The following SGCD variants were observed in gnomAD, a reference collection of about 807,000 sequenced individuals.
SGCD encodes the protein delta-sarcoglycan.
Under a neutral mutation model 36.6 loss-of-function variants are expected in SGCD, and 18 were observed. The observed-to-expected ratio is 0.49, with a 90% CI of 0.34 to 0.73. The LOEUF is 0.73. SGCD is among the 30% of genes least tolerant of loss of function. SGCD has a pLI of 0.01. For missense variants in SGCD, 387 were observed against 346.7 expected (o/e 1.12, Z -0.92); for synonymous variants, 133 against 130.6 (o/e 1.02, Z -0.12).
intron 3 of SGCD, among the ~76,000 whole-genome samples, chr5:156,508,313 T>C (rs1214589546): frequency 1.3e-5 from 2 of 152,136 alleles, no homozygotes; most frequent in African/African-American, 4.8e-5. Context: ...ATTCTTTCTG[T>C]GCTGCCTAGC....
chr5:156,572,429 C>T (rs897451517), intron 4 of SGCD, among the ~76,000 whole-genome samples: 1 of 151,774 alleles, frequency 6.6e-6, no homozygotes, highest in Admixed American at 6.6e-5. Flanking sequence ...TGTTTTTTTT[C>T]TATTATAATT....
At chr5:156,538,167 G>C (rs2061527431) in intron 4 of SGCD, among the ~76,000 whole-genome samples, 1 of 152,054 alleles carries the variant, frequency 6.6e-6, no homozygotes, top group East Asian at 1.9e-4. Context: ...GCTTCCACTG[G>C]AGGTTATGGT....
the SGCD span, among the ~76,000 whole-genome samples, chr5:155,813,733 T>G: frequency 6.6e-6 from 1 of 152,176 alleles, no homozygotes; most frequent in African/African-American, 2.4e-5. Context: ...AGACTTTTCC[T>G]TTGATTATAG....
chr5:156,082,105 T>C (rs1760970363), intron 1 of SGCD, among the ~76,000 whole-genome samples: 1 of 152,154 alleles, frequency 6.6e-6, no homozygotes, highest in Non-Finnish European at 1.5e-5. Flanking sequence ...TTTTTCAATC[T>C]GAGTTTAATT....
the SGCD span, among the ~76,000 whole-genome samples, chr5:155,729,698 C>T: frequency 7.2e-5 from 11 of 152,196 alleles, no homozygotes; most frequent in Middle Eastern, 3.2e-3. Flanking sequence ...GCCTCTGCTG[C>T]TTCTAGGGGT....
chr5:156,667,761 A>C (rs1313094400), intron 7 of SGCD, among the ~76,000 whole-genome samples: 2 of 152,186 alleles, frequency 1.3e-5, no homozygotes, highest in African/African-American at 4.8e-5. Context: ...TTCTGAACAT[A>C]ACCTCAACAA....
chr5:156,492,256 C>G (rs1755977931), intron 3 of SGCD, among the ~76,000 whole-genome samples: 1 of 152,074 alleles, frequency 6.6e-6, no homozygotes, highest in South Asian at 2.1e-4. Flanking sequence ...TTGGAGTTCT[C>G]CAGAGTTACA....
intron 3 of SGCD, among the ~76,000 whole-genome samples, chr5:156,497,963 C>T (rs1756270985): frequency 6.6e-6 from 1 of 152,062 alleles, no homozygotes; most frequent in South Asian, 2.1e-4. Context: ...AGTCTAATTG[C>T]CTTGATCACA....
intron 1 of SGCD, among the ~76,000 whole-genome samples, chr5:155,904,948 G>T (rs780396316): frequency 6.6e-6 from 1 of 152,088 alleles, no homozygotes; most frequent in Admixed American, 6.6e-5. Flanking sequence ...GTGAGTCTCC[G>T]TTTCTTCTTC....
chr5:156,711,442 G>A (rs987980090), intron 7 of SGCD, among the ~76,000 whole-genome samples: 6 of 152,188 alleles, frequency 3.9e-5, no homozygotes, highest in Non-Finnish European at 8.8e-5. Context: ...AAGTGAAGAT[G>A]GGTAAAAACT....
intron 1 of SGCD, among the ~76,000 whole-genome samples, chr5:155,963,536 A>G (rs1375788903): frequency 1.3e-5 from 2 of 152,066 alleles, no homozygotes; most frequent in Non-Finnish European, 2.9e-5. Flanking sequence ...TTGAGCAATC[A>G]CTTCATACTA....
chr5:156,179,669 T>G (rs916856086), intron 3 of SGCD, among the ~76,000 whole-genome samples: 6 of 150,732 alleles, frequency 4.0e-5, no homozygotes, highest in Non-Finnish European at 8.8e-5. Context: ...TTGCCCAGGC[T>G]GGAGTGCACT....
At chr5:156,684,791 G>A (rs1239967464) in intron 7 of SGCD, among the ~76,000 whole-genome samples, 1 of 152,166 alleles carries the variant, frequency 6.6e-6, no homozygotes, top group East Asian at 1.9e-4. Context: ...CAAAGAATTA[G>A]GAATGCTTCT....
chr5:156,253,129 C>T (rs1428136), intron 3 of SGCD, among the ~76,000 whole-genome samples: 8,247 of 152,180 alleles, frequency 0.054, 254 homozygotes, highest in Non-Finnish European at 0.069. Flanking sequence ...GTGTGTCTCA[C>T]GGAACTAATG....
intron 3 of SGCD, among the ~76,000 whole-genome samples, chr5:156,294,009 C>A (rs760750795): frequency 6.6e-6 from 1 of 152,056 alleles, no homozygotes; most frequent in Non-Finnish European, 1.5e-5. Flanking sequence ...AAATTTCTTT[C>A]AGAATCGATT....
intron 4 of SGCD, among the ~76,000 whole-genome samples, chr5:156,555,515 A>G (rs1009634564): frequency 4.6e-5 from 7 of 152,160 alleles, no homozygotes; most frequent in African/African-American, 1.4e-4. Flanking sequence ...CCCTTGTTGC[A>G]AATCGACTGA....
chr5:156,508,902 C>G (rs1042210826), intron 4 of SGCD, among the ~76,000 whole-genome samples, 200 bp downstream of exon 4: 2 of 152,142 alleles, frequency 1.3e-5, no homozygotes, highest in Non-Finnish European at 2.9e-5. Context: ...CTCTCTGAGC[C>G]TCTTTCCATT....
chr5:156,086,484 G>C (rs79223307), intron 1 of SGCD, among the ~76,000 whole-genome samples: 32,368 of 152,178 alleles, frequency 0.21, 3,735 homozygotes, highest in Middle Eastern at 0.26. Flanking sequence ...AGCAGAAATT[G>C]GTTCTTAAGG....
At chr5:156,534,828 A>T (rs1327361845) in intron 4 of SGCD, among the ~76,000 whole-genome samples, 1 of 152,200 alleles carries the variant, frequency 6.6e-6, no homozygotes, top group African/African-American at 2.4e-5. Flanking sequence ...GGGTGCCTAC[A>T]ACAGTGTCCG....
Sources: gnomAD v4.1 joint callset for allele counts (sites outside exome capture counted in the v4.1 genomes callset) on GRCh38, gnomAD v4.1.1 for gene constraint, MANE v1.5 for transcripts, NCBI Gene and HGNC (gene_info 2026-07-23, HGNC 2026-07-21) for gene names.